EYS: variants seen among roughly 807,000 people sequenced by gnomAD.
The protein encoded by EYS is EGF-like photoreceptor maintenance factor.
A neutral mutation model predicts 282.1 loss-of-function variants in EYS; 250 were observed. That is an observed-to-expected ratio of 0.89 (90% CI 0.80 to 0.98). The LOEUF is 0.98. Among genes scored for constraint, EYS ranks in the 50% least tolerant of loss-of-function variants. The pLI is 0.00. For synonymous variants in EYS, 1,355 were observed against 1,282.9 expected, an observed-to-expected ratio of 1.06 and a Z score of -1.20; for missense variants, 4,016 against 3,709.0, an observed-to-expected ratio of 1.08 and a Z score of -2.15.
intron 12 of EYS, among the ~76,000 whole-genome samples, chr6:65,099,794 T>C (rs1286779230): frequency 6.6e-6 from 1 of 150,804 alleles, no homozygotes; most frequent in Non-Finnish European, 1.5e-5. Context: ...CACCAACATA[T>C]CTCCGGACTG....
intron 42 of EYS, among the ~76,000 whole-genome samples, chr6:63,722,940 T>C (rs1310363416): frequency 6.6e-6 from 1 of 152,236 alleles, no homozygotes; most frequent in Non-Finnish European, 1.5e-5. Context: ...ATATGTGATA[T>C]TTGGTTAACA....
At chr6:64,924,606 C>G (rs1768454396) in intron 15 of EYS, among the ~76,000 whole-genome samples, 1 of 152,170 alleles carries the variant, frequency 6.6e-6, no homozygotes, top group South Asian at 2.1e-4. Context: ...AAACTGAATG[C>G]CTTTAACAGT....
chr6:64,900,683 G>T (rs1459831584), intron 18 of EYS, among the ~76,000 whole-genome samples: 1 of 152,028 alleles, frequency 6.6e-6, no homozygotes, highest in Non-Finnish European at 1.5e-5. Flanking sequence ...ACAATGAGAT[G>T]CCATCTCATG....
intron 8 of EYS, among the ~76,000 whole-genome samples, chr6:65,376,928 G>A (rs1160826435): frequency 6.6e-6 from 1 of 152,136 alleles, no homozygotes; most frequent in East Asian, 1.9e-4. Context: ...AATAGTGGGA[G>A]ACTTTAACAC....
At chr6:64,493,257 T>C (rs1412420657) in intron 26 of EYS, among the ~76,000 whole-genome samples, 2 of 151,280 alleles carry the variant, frequency 1.3e-5, no homozygotes, top group African/African-American at 4.8e-5. Context: ...AAAAACCAAA[T>C]AGCAGAGCTG....
rs560017283 is a variant in EYS at position 64,613,016 on chromosome 6, T to C, written c.3684+4402A>G. 8.5e-5 allele frequency among the ~76,000 whole-genome samples: 13 copies of C among 152,258 alleles called. No homozygotes were observed. In the East Asian group the frequency reaches 2.3e-3, roughly 27 times the overall value. ...AAGCCTTATTGCTTTGAATTGTGCT[T>C]TGTTGTTTCATGTTCAATTAAAAAT... On this transcript the variant is annotated intron_variant, in intron 24 of 42. Transcript: ENST00000503581.
At chr6:64,301,658 A>C (rs1159104232) in intron 30 of EYS, among the ~76,000 whole-genome samples, 1 of 152,206 alleles carries the variant, frequency 6.6e-6, no homozygotes, top group Non-Finnish European at 1.5e-5. Context: ...CATTATCTAT[A>C]GATCTGCAAA....
At chr6:64,340,355 A>T (rs1199551937) in intron 29 of EYS, among the ~76,000 whole-genome samples, 1 of 151,846 alleles carries the variant, frequency 6.6e-6, no homozygotes, top group Non-Finnish European at 1.5e-5. Flanking sequence ...ATAGCATGAC[A>T]CTAGTACAAA....
intron 31 of EYS, among the ~76,000 whole-genome samples, chr6:64,164,946 TG>T (rs1399866838): frequency 3.9e-5 from 6 of 152,154 alleles, no homozygotes; most frequent in Admixed American, 3.3e-4. Flanking sequence ...TTTTCCCCTG[TG>T]TTAAGCATTT....
At chr6:64,791,223 T>A (rs9354137) in intron 22 of EYS, among the ~76,000 whole-genome samples, 30,162 of 151,774 alleles carry the variant, frequency 0.2, 3,889 homozygotes, top group Admixed American at 0.34. Context: ...TTATAAAATT[T>A]GCAAATTTCA....
intron 29 of EYS, among the ~76,000 whole-genome samples, chr6:64,354,668 A>T (rs1220872627): frequency 6.6e-6 from 1 of 151,582 alleles, no homozygotes; most frequent in African/African-American, 2.4e-5. Context: ...GTCTCTGCAT[A>T]CTATGTAGAT....
intron 12 of EYS, among the ~76,000 whole-genome samples, chr6:65,225,742 G>GA (rs1001452479): frequency 6.8e-6 from 1 of 146,264 alleles, no homozygotes; most frequent in African/African-American, 2.5e-5. Flanking sequence ...AAAAGGAAAA[G>GA]AAAACCAATC....
intron 22 of EYS, among the ~76,000 whole-genome samples, chr6:64,734,313 AT>A (rs1252727666): frequency 1.3e-5 from 2 of 152,146 alleles, no homozygotes; most frequent in African/African-American, 2.4e-5. Context: ...ATAGAAAAAA[AT>A]ATTTCTAGCA....
intron 1 of EYS, among the ~76,000 whole-genome samples, chr6:65,692,217 T>C (rs534751220): frequency 5.3e-5 from 8 of 150,176 alleles, no homozygotes; most frequent in Non-Finnish European, 1.2e-4. Context: ...CTAAATAATG[T>C]TAACAGTGAA....
chr6:65,483,050 C>T (rs549857462), intron 5 of EYS, among the ~76,000 whole-genome samples: 1 of 152,092 alleles, frequency 6.6e-6, no homozygotes, highest in African/African-American at 2.4e-5. Flanking sequence ...TTGAATAAAT[C>T]ACTTTCTAAT....
At chr6:64,874,611 G>A (rs534254432) in intron 19 of EYS, among the ~76,000 whole-genome samples, 34 of 152,066 alleles carry the variant, frequency 2.2e-4, no homozygotes, top group Non-Finnish European at 4.0e-4. Flanking sequence ...TGAGGAGCTC[G>A]GGACATGAAA....
chr6:64,823,489 A>G (rs1011507263), intron 19 of EYS, among the ~76,000 whole-genome samples: 3 of 151,918 alleles, frequency 2.0e-5, no homozygotes, highest in African/African-American at 7.2e-5. Context: ...TGTGTTTCGT[A>G]TGTTTGAAAT....
chr6:65,492,630 T>A (rs1267641538), intron 4 of EYS, among the ~76,000 whole-genome samples: 1 of 152,188 alleles, frequency 6.6e-6, no homozygotes, highest in Non-Finnish European at 1.5e-5. Context: ...ATCAGCAGTT[T>A]GAGTGTTTTC....
At chr6:65,259,156 T>G (rs1398768875) in intron 12 of EYS, among the ~76,000 whole-genome samples, 1 of 152,052 alleles carries the variant, frequency 6.6e-6, no homozygotes, top group Non-Finnish European at 1.5e-5. Flanking sequence ...ATATACCTAT[T>G]GAAGTAAGTT....
Sources: allele counts gnomAD v4.1 joint callset (sites outside exome capture counted in the v4.1 genomes callset), GRCh38; gene constraint gnomAD v4.1.1; transcripts MANE v1.5; gene names NCBI Gene and HGNC (gene_info 2026-07-23, HGNC 2026-07-21).